The following CNTN5 variants were observed in gnomAD, a reference collection of about 807,000 sequenced individuals.
The protein encoded by CNTN5 is contactin-5.
A neutral mutation model predicts 129.1 loss-of-function variants in CNTN5; 77 were observed. The ratio of observed to expected loss-of-function variants is 0.60; its 90% confidence interval spans 0.50 to 0.72. The LOEUF is 0.72. Ranked by LOEUF, CNTN5 falls within the 30% of genes least tolerant of loss-of-function variation. CNTN5 has a pLI of 0.00. For missense variants in CNTN5, 1,478 were observed against 1,328.8 expected (o/e 1.11, Z -1.75); for synonymous variants, 509 against 465.6 (o/e 1.09, Z -1.20).
chr11:100,002,747 C>T (rs1277422866), intron 9 of CNTN5, among the ~76,000 whole-genome samples: 3 of 152,122 alleles, frequency 2.0e-5, no homozygotes, highest in African/African-American at 7.2e-5. Context: ...AGTCACTTGT[C>T]AATGATGTTT....
At chr11:99,893,427 C>T (rs1324918988) in intron 6 of CNTN5, among the ~76,000 whole-genome samples, 2 of 152,052 alleles carry the variant, frequency 1.3e-5, no homozygotes, top group Admixed American at 6.6e-5. Context: ...CCTTAAGAAA[C>T]TTTAGAAAAA....
At chr11:99,541,606 T>C (rs1175309796) in intron 2 of CNTN5, among the ~76,000 whole-genome samples, 1 of 152,008 alleles carries the variant, frequency 6.6e-6, no homozygotes, top group East Asian at 1.9e-4. Context: ...AAATCATGTT[T>C]TGATGTGATG....
At position 99,046,468 on chromosome 11, in the gene CNTN5, C is replaced by G. The variant is rs995905606; in HGVS notation, c.-210+25198C>G. On this transcript the variant is annotated intron_variant, in intron 1 of 24. Coordinates refer to ENST00000524871, the MANE Select transcript of CNTN5 (RefSeq NM_014361.4). ...TTATAAATAAAACTTGTCTGCAGTCCTTTTCTTGAAAAATATATAGTATTT... is the reference window on the plus strand; with the variant it reads ...TTATAAATAAAACTTGTCTGCAGTCGTTTTCTTGAAAAATATATAGTATTT... 1.3e-5 allele frequency among the ~76,000 whole-genome samples: 2 copies of G among 151,936 alleles called. 1 individual carries two copies. The highest frequency in any genetic ancestry group is 6.3e-3 in the Middle Eastern group (2 of 316).
chr11:99,881,833 A>C (rs1222613714), intron 6 of CNTN5, among the ~76,000 whole-genome samples: 2 of 152,208 alleles, frequency 1.3e-5, no homozygotes, highest in Non-Finnish European at 2.9e-5. Context: ...GCCGACTACT[A>C]TCTGAGAGTT....
Position 99,290,284 on chromosome 11 carries a change from T to C in CNTN5, c.-209-35062T>C, listed in dbSNP as rs143682785. Among the ~76,000 whole-genome samples, 1,140 of 151,944 alleles carry C rather than the reference T, an allele frequency of 7.5e-3. 13 individuals are homozygous for C. Among genetic ancestry groups the C allele is most frequent in the Middle Eastern group, 0.014 (4 of 294 alleles). Reference sequence around the variant, plus strand: ...AGAGACATTTTGTAAATAGCAGAAATTGAATGCAAATACTTGTGCTTGTAA... The same window carrying C: ...AGAGACATTTTGTAAATAGCAGAAACTGAATGCAAATACTTGTGCTTGTAA... On this transcript the variant is annotated intron_variant, in intron 1 of 24. Coordinates refer to ENST00000524871, the MANE Select transcript of CNTN5 (RefSeq NM_014361.4).
chr11:99,655,472 T>A (rs1952320466), intron 3 of CNTN5, among the ~76,000 whole-genome samples: 1 of 152,068 alleles, frequency 6.6e-6, no homozygotes, highest in Admixed American at 6.6e-5. Flanking sequence ...TTCAGAAAAA[T>A]CTCTTGCATG....
At chr11:99,435,156 A>G (rs1288980760) in intron 2 of CNTN5, among the ~76,000 whole-genome samples, 2 of 152,080 alleles carry the variant, frequency 1.3e-5, no homozygotes, top group Non-Finnish European at 2.9e-5. Context: ...TATTGGGAGG[A>G]CAAATATATT....
intron 1 of CNTN5, among the ~76,000 whole-genome samples, chr11:99,270,456 A>G (rs1215816331): frequency 1.3e-5 from 2 of 151,650 alleles, no homozygotes; most frequent in African/African-American, 4.8e-5. Context: ...TAACCCCAAA[A>G]CCTTCGGGAA....
intron 1 of CNTN5, among the ~76,000 whole-genome samples, chr11:99,311,752 C>G (rs1037432187): frequency 6.6e-6 from 1 of 152,110 alleles, no homozygotes; most frequent in African/African-American, 2.4e-5. Context: ...TTATTTTATG[C>G]TAGTTTGTTG....
At chr11:99,212,262 G>T (rs557064454) in intron 1 of CNTN5, among the ~76,000 whole-genome samples, 1 of 152,064 alleles carries the variant, frequency 6.6e-6, no homozygotes, top group Non-Finnish European at 1.5e-5. Flanking sequence ...TGATTTCACC[G>T]GGATGCTTCT....
Position 100,025,447 on chromosome 11 carries a change from C to T in CNTN5, c.980+23311C>T, listed in dbSNP as rs570853337. ...GGAACTGTTGGGTTGGAGACACCCC[C>T]TGCAGAGTCCCCACTGGGGCACTGC... On this transcript the variant is annotated intron_variant, in intron 9 of 24. Coordinates refer to ENST00000524871, the MANE Select transcript of CNTN5 (RefSeq NM_014361.4). Among the ~76,000 whole-genome samples the T allele has an allele frequency of 2.0e-5, 3 of 152,304 alleles. No homozygotes were observed. In the South Asian group the frequency reaches 6.2e-4, roughly 32 times the overall value.
intron 8 of CNTN5, among the ~76,000 whole-genome samples, chr11:99,973,635 C>G (rs1169540604): frequency 6.6e-6 from 1 of 152,018 alleles, no homozygotes; most frequent in Non-Finnish European, 1.5e-5. Context: ...TGCACTAATT[C>G]TCACGTTTTG....
chr11:99,312,575 AT>A lies in CNTN5; in HGVS notation c.-209-12769del, dbSNP rs1865159163. Among the ~76,000 whole-genome samples, 3 of 152,234 alleles carry A rather than the reference AT, an allele frequency of 2.0e-5. No individual in the cohort carries two copies. The East Asian group carries it at 5.8e-4, about 29-fold the overall frequency. ...ATAATATAGTCAGACAGTTAAGAAA[AT>A]TGGTTCTATTCAGTCTCTCTATGCC... On this transcript the variant is annotated intron_variant, in intron 1 of 24. Coordinates refer to ENST00000524871, the MANE Select transcript of CNTN5 (RefSeq NM_014361.4).
At chr11:99,804,603 A>G (rs1354622418) in intron 3 of CNTN5, among the ~76,000 whole-genome samples, 6 of 151,514 alleles carry the variant, frequency 4.0e-5, no homozygotes, top group African/African-American at 1.4e-4. Context: ...AATACCTTCA[A>G]ATATAATTCT....
At chr11:99,594,043 A>T (rs1177527424) in intron 3 of CNTN5, among the ~76,000 whole-genome samples, 1 of 152,146 alleles carries the variant, frequency 6.6e-6, no homozygotes, top group African/African-American at 2.4e-5. Context: ...TGTTCTATGG[A>T]CATATCTGAT....
chr11:99,964,730 C>T (rs145289848), intron 8 of CNTN5, among the ~76,000 whole-genome samples: 2 of 152,092 alleles, frequency 1.3e-5, no homozygotes, highest in African/African-American at 2.4e-5. Flanking sequence ...TTTCAGAAGG[C>T]ATGGTACCAG....
Position 99,298,920 on chromosome 11 carries a change from A to G in CNTN5, c.-209-26426A>G, listed in dbSNP as rs1452746845. On this transcript the variant is annotated intron_variant, in intron 1 of 24. Transcript: ENST00000524871. Reference sequence around the variant, plus strand: ...ATAAAACTCTCCTCCACACAAAAACATTTTCAGCCTGTGAAAAGCTCTCTT... The same window carrying G: ...ATAAAACTCTCCTCCACACAAAAACGTTTTCAGCCTGTGAAAAGCTCTCTT... 3.9e-5 allele frequency among the ~76,000 whole-genome samples: 6 copies of G among 152,126 alleles called. No individual in the cohort carries two copies. The South Asian group carries it at 1.0e-3, about 26-fold the overall frequency.
intron 4 of CNTN5, among the ~76,000 whole-genome samples, chr11:99,843,392 A>C (rs1947578995): frequency 1.3e-5 from 2 of 152,202 alleles, no homozygotes; most frequent in South Asian, 4.1e-4. Flanking sequence ...AAAGAAAGCA[A>C]ATCATTTTAC....
At chr11:99,141,395 T>G (rs908504162) in intron 1 of CNTN5, among the ~76,000 whole-genome samples, 13 of 152,176 alleles carry the variant, frequency 8.5e-5, no homozygotes, top group African/African-American at 2.9e-4. Flanking sequence ...TTTTGTTTAT[T>G]TGGATCTTCT....
Sources: gnomAD v4.1 joint callset for allele counts (sites outside exome capture counted in the v4.1 genomes callset) on GRCh38, gnomAD v4.1.1 for gene constraint, MANE v1.5 for transcripts, NCBI Gene and HGNC (gene_info 2026-07-23, HGNC 2026-07-21) for gene names.